PRKAG2: variants seen among roughly 807,000 people sequenced by gnomAD.
PRKAG2 encodes protein kinase AMP-activated non-catalytic subunit gamma 2.
Under a neutral mutation model 69.6 loss-of-function variants are expected in PRKAG2, and 26 were observed. The ratio of observed to expected loss-of-function variants is 0.37; its 90% CI spans 0.27 to 0.52. The LOEUF (loss-of-function observed/expected upper bound fraction) is 0.52. Among genes scored for constraint, PRKAG2 ranks in the 20% least tolerant of loss-of-function variants. PRKAG2 has a pLI of 0.90. For missense variants in PRKAG2, 557 were observed against 740.0 expected, an observed-to-expected ratio of 0.75 and a Z score of 2.87; for synonymous variants, 293 against 285.0, an observed-to-expected ratio of 1.03 and a Z score of -0.28.
intron 3 of PRKAG2, among the ~76,000 whole-genome samples, chr7:151,723,031 C>T (rs965463112): frequency 1.8e-4 from 27 of 152,148 alleles, no homozygotes; most frequent in African/African-American, 5.8e-4. Flanking sequence ...TCCCCTCCAC[C>T]GCAGGAGAAC....
intron 5 of PRKAG2, among the ~76,000 whole-genome samples, chr7:151,617,293 GGGGAGGGAGGGA>G (rs1315938011): frequency 2.9e-4 from 25 of 85,620 alleles, no homozygotes; most frequent in Non-Finnish European, 5.8e-4. Flanking sequence ...AGAGGGAGGG[GGGGAGGGAGGGA>G]GGGAGAGAGG....
At chr7:151,558,513 C>A (rs1032587855) in intron 15 of PRKAG2, 5 of 962,578 alleles carry the variant, frequency 5.2e-6, no homozygotes, top group Non-Finnish European at 6.2e-6. Context: ...TGCTTACATT[C>A]AGACAGCGCT....
intron 3 of PRKAG2, among the ~76,000 whole-genome samples, chr7:151,716,299 A>G (rs114616330): frequency 1.6e-4 from 24 of 152,322 alleles, no homozygotes; most frequent in African/African-American, 5.8e-4. Flanking sequence ...TGATTATGAC[A>G]TGTCAGGCAA....
intron 4 of PRKAG2, among the ~76,000 whole-genome samples, chr7:151,654,445 T>G (rs549624131): frequency 1.6e-4 from 24 of 152,196 alleles, no homozygotes; most frequent in Non-Finnish European, 2.8e-4. Flanking sequence ...CCCAAACCCT[T>G]CCTCCCACTG....
chr7:151,616,326 ACT>A (rs1820139094), intron 5 of PRKAG2, among the ~76,000 whole-genome samples: 1 of 152,124 alleles, frequency 6.6e-6, no homozygotes, highest in African/African-American at 2.4e-5. Context: ...ATGCACACAC[ACT>A]CATACACCTG....
Position 151,849,983 on chromosome 7 carries a change from C to T in PRKAG2, c.114+26524G>A, listed in dbSNP as rs190622681. On this transcript the variant is annotated intron_variant, in intron 1 of 15. Transcript: ENST00000287878. ...TTCCCACCTGGGGAAGCTGCTCCTG[C>T]CCAGCCCGCAGCACGTTTGCCATTT... Among the ~76,000 whole-genome samples, 6 of 152,318 alleles carry T rather than the reference C, an allele frequency of 3.9e-5. No homozygotes were observed. The East Asian group carries it at 1.2e-3, about 29-fold the overall frequency.
At chr7:151,670,591 G>A (rs1275831356) in intron 4 of PRKAG2, among the ~76,000 whole-genome samples, 2 of 152,118 alleles carry the variant, frequency 1.3e-5, no homozygotes, top group African/African-American at 4.8e-5. Flanking sequence ...GATAGGATGG[G>A]GTTTCCTCCC....
intron 3 of PRKAG2, among the ~76,000 whole-genome samples, chr7:151,747,900 A>AG (rs552696482): frequency 7.3e-6 from 1 of 137,122 alleles, no homozygotes; most frequent in South Asian, 2.3e-4. Flanking sequence ...CACCTCTTGG[A>AG]GGGGGCAAAA....
chr7:151,601,153 T>C (rs972011484), intron 5 of PRKAG2, among the ~76,000 whole-genome samples: 3 of 152,104 alleles, frequency 2.0e-5, no homozygotes, highest in Non-Finnish European at 4.4e-5. Flanking sequence ...CAATGACCGG[T>C]TATCCACCCT....
At chr7:151,837,392 G>C (rs1169571005) in intron 1 of PRKAG2, 1 of 152,820 alleles carries the variant, frequency 6.5e-6, no homozygotes, top group East Asian at 1.9e-4. Flanking sequence ...TGGAAGAAGA[G>C]GGAGAGAAAG....
intron 3 of PRKAG2, among the ~76,000 whole-genome samples, chr7:151,735,362 A>G (rs1799606051): frequency 6.6e-6 from 1 of 152,078 alleles, no homozygotes; most frequent in Admixed American, 6.6e-5. Flanking sequence ...CCTCCTGTAC[A>G]TGGAGGAGCT....
chr7:151,630,248 AT>A (rs1234458805), intron 5 of PRKAG2, among the ~76,000 whole-genome samples: 1 of 152,244 alleles, frequency 6.6e-6, no homozygotes. Flanking sequence ...AAGAGTGTAT[AT>A]CTGCTTAGAG....
At chr7:151,563,612 C>T (rs1017484044) in intron 14 of PRKAG2, among the ~76,000 whole-genome samples, 1 of 152,190 alleles carries the variant, frequency 6.6e-6, no homozygotes, top group Non-Finnish European at 1.5e-5. Flanking sequence ...CAGGGTCTTG[C>T]TCTGCTGTCG....
chr7:151,775,848 A>G (rs143277246), intron 3 of PRKAG2, among the ~76,000 whole-genome samples: 2 of 152,284 alleles, frequency 1.3e-5, no homozygotes, highest in Admixed American at 1.3e-4. Flanking sequence ...AGATGGGCCG[A>G]TGGCATTACT....
At chr7:151,715,987 C>T (rs1796123969) in intron 3 of PRKAG2, among the ~76,000 whole-genome samples, 1 of 152,114 alleles carries the variant, frequency 6.6e-6, no homozygotes, top group South Asian at 2.1e-4. Flanking sequence ...CTTGGATTTG[C>T]TTCAAAATAA....
chr7:151,782,591 AGCCGTGTTCCTGCT>A (rs1317877332), intron 2 of PRKAG2, among the ~76,000 whole-genome samples: 43 of 152,326 alleles, frequency 2.8e-4, no homozygotes, highest in Middle Eastern at 3.4e-3. Context: ...ACGTGCCCGC[AGCCGTGTTCCTGCT>A]GGATGCGTGG....
At chr7:151,563,104 C>T (rs973869935) in intron 14 of PRKAG2, among the ~76,000 whole-genome samples, 1 of 152,150 alleles carries the variant, frequency 6.6e-6, no homozygotes, top group African/African-American at 2.4e-5. Flanking sequence ...CTGAGTCAAA[C>T]TTATGTATGT....
At chr7:151,659,036 G>C (rs1829912886) in intron 4 of PRKAG2, among the ~76,000 whole-genome samples, 1 of 152,124 alleles carries the variant, frequency 6.6e-6, no homozygotes, top group African/African-American at 2.4e-5. Context: ...AGAAGTGAGG[G>C]GATCTGGTGC....
chr7:151,805,299 C>T (rs1216578907), intron 1 of PRKAG2, among the ~76,000 whole-genome samples: 1 of 152,144 alleles, frequency 6.6e-6, no homozygotes, highest in East Asian at 1.9e-4. Context: ...CGTGGAGAGG[C>T]TGCACGGATG....
Sources: allele counts gnomAD v4.1 joint callset (sites outside exome capture counted in the v4.1 genomes callset), GRCh38; gene constraint gnomAD v4.1.1; transcripts MANE v1.5; gene names NCBI Gene and HGNC (gene_info 2026-07-23, HGNC 2026-07-21).